DENND5A: variants seen among roughly 807,000 people sequenced by gnomAD.
DENND5A encodes DENN domain containing 5A.
A neutral mutation model predicts 140.3 loss-of-function variants in DENND5A; 64 were observed. The observed-to-expected ratio is 0.46, with a 90% confidence interval of 0.37 to 0.56. The LOEUF (loss-of-function observed/expected upper bound fraction) is 0.56. DENND5A is among the 20% of genes least tolerant of loss of function. The pLI is 0.00. For missense variants in DENND5A, 1,292 were observed against 1,593.8 expected (o/e 0.81, Z 3.22); for synonymous variants, 605 against 607.7 (o/e 1.00, Z 0.07).
intron 1 of DENND5A, among the ~76,000 whole-genome samples, chr11:9,261,652 C>A (rs541515630): frequency 6.6e-6 from 1 of 151,660 alleles, no homozygotes; most frequent in Non-Finnish European, 1.5e-5. Context: ...GTGGCACGCG[C>A]GGCTCATAAT....
chr11:9,144,382 G>T, intron 18 of DENND5A, 104 bp from the exon 19 acceptor site: 1 of 1,087,600 alleles, frequency 9.2e-7, no homozygotes, highest in Non-Finnish European at 1.3e-6. Flanking sequence ...CTGAAACCAG[G>T]ATAGAGACTC....
At chr11:9,210,574 C>T (rs1388826581) in intron 1 of DENND5A, among the ~76,000 whole-genome samples, 4 of 152,180 alleles carry the variant, frequency 2.6e-5, no homozygotes, top group African/African-American at 9.7e-5. Flanking sequence ...GATAAGGTCA[C>T]ACTCTGTTGC....
intron 1 of DENND5A, among the ~76,000 whole-genome samples, chr11:9,227,169 AAAATAAAT>A (rs540334549): frequency 6.4e-4 from 93 of 145,836 alleles, no homozygotes; most frequent in East Asian, 1.2e-3. Flanking sequence ...ACTCCATCTC[AAAATAAAT>A]AAATAAATAA....
At chr11:9,154,868 G>GA (rs1280907924) in intron 12 of DENND5A, among the ~76,000 whole-genome samples, 2 of 151,712 alleles carry the variant, frequency 1.3e-5, no homozygotes, top group Admixed American at 1.3e-4. Context: ...AAAGAAGGTT[G>GA]ACTGGGCGCA....
chr11:9,172,963 G>A (rs1390499168), intron 8 of DENND5A, among the ~76,000 whole-genome samples: 2 of 149,970 alleles, frequency 1.3e-5, no homozygotes, highest in Non-Finnish European at 3.0e-5. Context: ...CTACAAGCAC[G>A]TACTATCATG....
At chr11:9,173,174 C>G (rs536368165) in intron 8 of DENND5A, among the ~76,000 whole-genome samples, 22 of 152,006 alleles carry the variant, frequency 1.4e-4, no homozygotes, top group African/African-American at 5.3e-4. Context: ...TTAACCTATA[C>G]TCAGGGAAAA....
chr11:9,150,074 G>T lies in DENND5A; in HGVS notation c.2735+7C>A, dbSNP rs753547538. On this transcript the variant is annotated splice_region_variant and intron_variant, in intron 15 of 22. Coordinates refer to ENST00000328194, the MANE Select transcript of DENND5A (RefSeq NM_015213.4). ...GCCTGCTTCTACTCCTGGCGGAGCA[G>T]CCTTACTTGGTGAGCTCATGGTCTG... 1.2e-6 allele frequency: 2 copies of T among 1,609,398 alleles called. No homozygotes were observed. The highest frequency in any genetic ancestry group is 8.5e-7 in the Non-Finnish European group (1 of 1,177,898).
chr11:9,141,680 G>A (rs1474333988), intron 22 of DENND5A, among the ~76,000 whole-genome samples: 2 of 152,330 alleles, frequency 1.3e-5, no homozygotes, highest in Non-Finnish European at 2.9e-5. Context: ...AAAAGGTACA[G>A]TAAAAACAGA....
In DENND5A at chr11:9,178,231, C is replaced by T. The variant is rs1343747838; in HGVS notation, c.1807G>A (p.Val603Ile). The change falls in exon 8 of 23, where the codon GTA (valine) becomes ATA (isoleucine). Residue 603 changes from valine to isoleucine, a missense_variant. Transcript: ENST00000328194. ...DDDDKDPVLR[V>I]FDSRVDKIRL... is the part of the protein sequence containing the mutation. ...ATCTTGTCAACTCGGGAATCAAATA[C>T]CCGGAGTACAGGGTCTTTATCATCA... 1.2e-6 allele frequency: 2 copies of T among 1,614,020 alleles called. No homozygotes were observed. The highest frequency in any genetic ancestry group is 1.1e-5 in the South Asian group (1 of 91,078).
chr11:9,170,898 A>C (rs1848351061), intron 8 of DENND5A, 121 bp from the exon 9 acceptor site: 5 of 1,499,212 alleles, frequency 3.3e-6, no homozygotes, highest in Non-Finnish European at 4.4e-6. Flanking sequence ...AGATAGAGTA[A>C]AAGGGACTGA....
intron 14 of DENND5A, among the ~76,000 whole-genome samples, 197 bp downstream of exon 14, chr11:9,150,483 C>G (rs1248107609): frequency 6.6e-6 from 1 of 152,184 alleles, no homozygotes; most frequent in African/African-American, 2.4e-5. Context: ...TCCCTCACCT[C>G]CAAAAATGCC....
chr11:9,215,113 T>C (rs1850038373), intron 1 of DENND5A, among the ~76,000 whole-genome samples: 1 of 152,198 alleles, frequency 6.6e-6, no homozygotes, highest in Non-Finnish European at 1.5e-5. Flanking sequence ...AGAGAAACCC[T>C]GTTACTCCTA....
intron 12 of DENND5A, among the ~76,000 whole-genome samples, chr11:9,156,402 G>A (rs891029476): frequency 1.3e-5 from 2 of 152,054 alleles, no homozygotes; most frequent in Non-Finnish European, 2.9e-5. Context: ...ATAAGAGGGG[G>A]CTCAAATGAA....
chr11:9,257,678 T>G (rs1413550288), intron 1 of DENND5A, among the ~76,000 whole-genome samples: 1 of 151,514 alleles, frequency 6.6e-6, no homozygotes, highest in Non-Finnish European at 1.5e-5. Context: ...GAGACAGGGT[T>G]TCACCGTGTT....
intron 1 of DENND5A, among the ~76,000 whole-genome samples, chr11:9,264,358 T>C (rs1004643373): frequency 2.0e-5 from 3 of 152,138 alleles, no homozygotes; most frequent in Non-Finnish European, 4.4e-5. Context: ...AAAAAAGGCA[T>C]GGCCCCGGGA....
chr11:9,218,473 C>A (rs1184988212), intron 1 of DENND5A, among the ~76,000 whole-genome samples: 1 of 152,086 alleles, frequency 6.6e-6, no homozygotes, highest in Non-Finnish European at 1.5e-5. Context: ...TGCAGTGGCT[C>A]CCAGCTCTTT....
intron 11 of DENND5A, among the ~76,000 whole-genome samples, chr11:9,163,661 A>C (rs1008996202): frequency 2.0e-5 from 3 of 151,966 alleles, no homozygotes; most frequent in Non-Finnish European, 4.4e-5. Context: ...AAAATTAGCC[A>C]AGCATGGTGG....
At chr11:9,146,501 G>A (rs778992593) in intron 16 of DENND5A, among the ~76,000 whole-genome samples, 1 of 152,196 alleles carries the variant, frequency 6.6e-6, no homozygotes, top group African/African-American at 2.4e-5. Flanking sequence ...TAGAGAGACT[G>A]GGACTCACAG....
Position 9,139,516 on chromosome 11 carries a change from A to T in DENND5A, c.*155T>A. Reference sequence around the variant, plus strand: ...CAAATCAGCAAATAAACTCTAAAATAGATTATTTATTCCAAAAATCCTCTA... The same window carrying T: ...CAAATCAGCAAATAAACTCTAAAATTGATTATTTATTCCAAAAATCCTCTA... On this transcript the variant is annotated 3_prime_UTR_variant, in exon 23 of 23. Coordinates refer to ENST00000328194, the MANE Select transcript of DENND5A (RefSeq NM_015213.4). 2 of 682,328 alleles carry T rather than the reference A, an allele frequency of 2.9e-6. No individual in the cohort carries two copies. Among genetic ancestry groups the T allele is most frequent in the Non-Finnish European group, 4.8e-6 (2 of 414,256 alleles). The allele number at this position is 682,328 out of a possible 1,614,324, so 42.3% of individuals were successfully genotyped here. A position where few individuals can be genotyped will look rare whatever the true frequency, so the allele number is the denominator to read the frequency against.
Sources: allele counts gnomAD v4.1 joint callset (sites outside exome capture counted in the v4.1 genomes callset), GRCh38; gene constraint gnomAD v4.1.1; transcripts MANE v1.5; gene names NCBI Gene and HGNC (gene_info 2026-07-23, HGNC 2026-07-21).